The following DTWD2 variants were observed in gnomAD, a reference collection of about 807,000 sequenced individuals.
DTWD2 encodes the protein tRNA-uridine aminocarboxypropyltransferase 2.
A neutral mutation model predicts 31.8 loss-of-function variants in DTWD2; 39 were observed. The ratio of observed to expected loss-of-function variants is 1.22; its 90% CI spans 0.95 to 1.60. The LOEUF (loss-of-function observed/expected upper bound fraction) is 1.60. Among genes scored for constraint, DTWD2 ranks in the 40% most tolerant of loss-of-function variants. The pLI is 0.00. For synonymous variants in DTWD2, 180 were observed against 142.8 expected (o/e 1.26, Z -1.86); for missense variants, 515 against 381.5 (o/e 1.35, Z -2.92).
chr5:118,950,854 G>A (rs1754447863), intron 1 of DTWD2, among the ~76,000 whole-genome samples: 1 of 152,216 alleles, frequency 6.6e-6, no homozygotes, highest in South Asian at 2.1e-4. Flanking sequence ...TGAAGGCAAG[G>A]TTAATTAAAT....
In DTWD2 at chr5:118,959,039, A is replaced by C. The variant is rs186377163; in HGVS notation, c.219-14390T>G. ...AAGCATTCCCCTTGAGAACTGGAAC[A>C]TGACAAGTCTGCTCACTCTCACCAC... On this transcript the variant is annotated intron_variant, in intron 1 of 5. Coordinates refer to ENST00000510708, the MANE Select transcript of DTWD2 (RefSeq NM_173666.4). 1.7e-3 allele frequency among the ~76,000 whole-genome samples: 257 copies of C among 152,318 alleles called. 2 individuals carry two copies. Among genetic ancestry groups the C allele is most frequent in the Middle Eastern group, 3.4e-3 (1 of 294 alleles).
At chr5:118,896,069 T>C (rs1753078314) in intron 4 of DTWD2, among the ~76,000 whole-genome samples, 1 of 152,184 alleles carries the variant, frequency 6.6e-6, no homozygotes, top group South Asian at 2.1e-4. Context: ...TTGAATAACA[T>C]TCACTCAGGA....
intron 4 of DTWD2, among the ~76,000 whole-genome samples, chr5:118,861,527 C>T (rs1249194584): frequency 1.3e-5 from 2 of 152,214 alleles, no homozygotes; most frequent in African/African-American, 2.4e-5. Flanking sequence ...CTCAATCTCA[C>T]CCTCAGTTTG....
intron 4 of DTWD2, among the ~76,000 whole-genome samples, chr5:118,900,002 T>C (rs1207199552): frequency 6.6e-6 from 1 of 151,988 alleles, no homozygotes. Context: ...GGGATTTCAC[T>C]ATGTTGACCA....
chr5:118,894,435 C>T (rs191401369), intron 4 of DTWD2, among the ~76,000 whole-genome samples: 3 of 152,246 alleles, frequency 2.0e-5, no homozygotes, highest in African/African-American at 7.2e-5. Flanking sequence ...GGACATACTA[C>T]CTGATTTCAA....
chr5:118,941,117 T>G (rs995462286), intron 2 of DTWD2, among the ~76,000 whole-genome samples: 4 of 152,130 alleles, frequency 2.6e-5, no homozygotes, highest in Admixed American at 2.6e-4. Context: ...CCTATCTAAA[T>G]GGTTAATAAC....
intron 2 of DTWD2, among the ~76,000 whole-genome samples, chr5:118,943,675 T>C (rs1407605797): frequency 6.6e-6 from 1 of 152,030 alleles, no homozygotes; most frequent in African/African-American, 2.4e-5. Flanking sequence ...GAGGCAGAGA[T>C]TGCAGTGAGC....
chr5:118,865,882 C>A (rs1287685640), intron 4 of DTWD2, among the ~76,000 whole-genome samples: 2 of 152,040 alleles, frequency 1.3e-5, no homozygotes, highest in African/African-American at 4.8e-5. Flanking sequence ...ACTTAAGCAA[C>A]GACCTTACCT....
chr5:118,911,568 A>G (rs1393530320), intron 4 of DTWD2, among the ~76,000 whole-genome samples: 3 of 152,236 alleles, frequency 2.0e-5, no homozygotes, highest in South Asian at 2.1e-4. Context: ...TGTTCACAGT[A>G]GCATTATTCA....
At chr5:118,980,099 T>C (rs1755266081) in intron 1 of DTWD2, among the ~76,000 whole-genome samples, 2 of 152,242 alleles carry the variant, frequency 1.3e-5, no homozygotes, top group African/African-American at 4.8e-5. Flanking sequence ...CATTTCTGTA[T>C]GTTTTGTGAC....
Position 118,840,666 on chromosome 5 carries a change from G to A in DTWD2, c.*251C>T. The A allele has an allele frequency of 7.6e-6, 2 of 264,856 alleles. No homozygotes were observed. The highest frequency in any genetic ancestry group is 8.2e-5 in the South Asian group (1 of 12,138). The allele number at this position is 264,856 out of a possible 1,614,324, so 16.4% of individuals were successfully genotyped here. The stretch of plus-strand genomic sequence containing the variant: ...AACAACAAATCATATTTTAAATTTG[G>A]GTTTGAAAACATGTATTAGAGGCAC... On this transcript the variant is annotated 3_prime_UTR_variant, in exon 6 of 6. Coordinates refer to ENST00000510708, the MANE Select transcript of DTWD2 (RefSeq NM_173666.4).
intron 4 of DTWD2, among the ~76,000 whole-genome samples, chr5:118,861,918 A>C (rs934492488): frequency 6.6e-6 from 1 of 152,234 alleles, no homozygotes; most frequent in East Asian, 1.9e-4. Flanking sequence ...GATATGGAGA[A>C]GCAAGTTCCA....
chr5:118,981,364 C>T (rs773197152), intron 1 of DTWD2, among the ~76,000 whole-genome samples: 1 of 152,022 alleles, frequency 6.6e-6, no homozygotes, highest in South Asian at 2.1e-4. Context: ...GCAAATGTTA[C>T]CACAATTTTT....
intron 2 of DTWD2, among the ~76,000 whole-genome samples, chr5:118,939,583 A>G (rs1754136500): frequency 6.6e-6 from 1 of 152,152 alleles, no homozygotes; most frequent in African/African-American, 2.4e-5. Context: ...GTGTTTAACT[A>G]AATTGAATCA....
chr5:118,931,597 C>A (rs1022526875), intron 3 of DTWD2, among the ~76,000 whole-genome samples: 4 of 151,894 alleles, frequency 2.6e-5, no homozygotes, highest in Non-Finnish European at 5.9e-5. Flanking sequence ...AAGGCAAAAA[C>A]CAATAGAACT....
intron 1 of DTWD2, among the ~76,000 whole-genome samples, chr5:118,976,759 A>G (rs1216997810): frequency 3.9e-5 from 6 of 152,226 alleles, no homozygotes; most frequent in Non-Finnish European, 5.9e-5. Flanking sequence ...CCACAGGTAC[A>G]AAGAGGAGCT....
At chr5:118,872,107 C>T (rs1000515162) in intron 4 of DTWD2, among the ~76,000 whole-genome samples, 8 of 152,152 alleles carry the variant, frequency 5.3e-5, no homozygotes, top group African/African-American at 1.9e-4. Flanking sequence ...GCTTCATCAC[C>T]TCTCTCAATC....
intron 4 of DTWD2, among the ~76,000 whole-genome samples, chr5:118,914,075 A>C (rs963767183): frequency 3.9e-5 from 6 of 152,122 alleles, no homozygotes; most frequent in African/African-American, 1.4e-4. Context: ...TTCTTATCAG[A>C]TATATAAAAG....
intron 4 of DTWD2, among the ~76,000 whole-genome samples, chr5:118,888,241 C>A (rs764666609): frequency 6.6e-6 from 1 of 152,090 alleles, no homozygotes; most frequent in African/African-American, 2.4e-5. Flanking sequence ...CTACTTCTTG[C>A]GTCTCTCCTT....
Sources: gnomAD v4.1 joint callset for allele counts (sites outside exome capture counted in the v4.1 genomes callset) on GRCh38, gnomAD v4.1.1 for gene constraint, MANE v1.5 for transcripts, NCBI Gene and HGNC (gene_info 2026-07-23, HGNC 2026-07-21) for gene names.